Variants in SLC2A9 observed in about 807,000 individuals in gnomAD.
The protein encoded by SLC2A9 is solute carrier family 2 member 9.
A neutral mutation model predicts 50.6 loss-of-function variants in SLC2A9; 39 were observed. The observed-to-expected ratio is 0.77, with a 90% CI of 0.60 to 1.01. SLC2A9 has a LOEUF of 1.01. Ranked by LOEUF, SLC2A9 falls within the 50% of genes least tolerant of loss-of-function variation. The pLI, the probability that SLC2A9 is intolerant of heterozygous loss-of-function variation, is 0.00. For synonymous variants in SLC2A9, 324 were observed against 276.9 expected (o/e 1.17, Z -1.69); for missense variants, 686 against 677.6 (o/e 1.01, Z -0.14).
intron 3 of SLC2A9, chr4:9,783,683 G>A (rs1320884374): frequency 5.3e-6 from 3 of 560,780 alleles, no homozygotes; most frequent in African/African-American, 1.9e-5. Context: ...GCCTACCAGA[G>A]ATGGACCAAC....
intron 3 of SLC2A9, among the ~76,000 whole-genome samples, chr4:9,990,714 CTT>C (rs1488618868): frequency 2.0e-5 from 3 of 152,168 alleles, no homozygotes; most frequent in East Asian, 1.9e-4. Context: ...TGTGTTGACT[CTT>C]TGTTTTACAC....
downstream of SLC2A9, among the ~76,000 whole-genome samples, chr4:9,796,225 A>G (rs1382734409): frequency 6.6e-6 from 1 of 152,194 alleles, no homozygotes; most frequent in African/African-American, 2.4e-5. Context: ...TTTTTTGAGC[A>G]GCCCTCATGA....
intron 3 of SLC2A9, among the ~76,000 whole-genome samples, chr4:9,992,345 T>C (rs1431182352): frequency 2.0e-5 from 3 of 152,262 alleles, no homozygotes; most frequent in African/African-American, 7.2e-5. Context: ...CTTGGCACTA[T>C]TCACATTTGG....
intron 8 of SLC2A9, among the ~76,000 whole-genome samples, chr4:9,907,147 A>AT: frequency 6.6e-6 from 1 of 152,374 alleles, no homozygotes; most frequent in Non-Finnish European, 1.5e-5. Context: ...GTCAGAGAAT[A>AT]TAACTCTCTA....
chr4:9,934,673 C>T (rs142895429), intron 6 of SLC2A9, among the ~76,000 whole-genome samples: 1,597 of 152,280 alleles, frequency 0.01, 20 homozygotes, highest in African/African-American at 0.036. Context: ...CTTTAAGTTC[C>T]AGGATACATG....
At chr4:9,931,980 A>C (rs1359251108) in intron 6 of SLC2A9, among the ~76,000 whole-genome samples, 15 of 70,160 alleles carry the variant, frequency 2.1e-4, no homozygotes, top group South Asian at 4.1e-4. Context: ...ATATATATAT[A>C]TATATATATA....
At chr4:9,792,091 T>C (rs1719991437) in intron 3 of SLC2A9, among the ~76,000 whole-genome samples, 3 of 152,026 alleles carry the variant, frequency 2.0e-5, no homozygotes, top group Admixed American at 6.6e-5. Flanking sequence ...ATCACTACTG[T>C]TTGATTTGAA....
At chr4:9,981,842 C>A (rs192746961) in intron 4 of SLC2A9, among the ~76,000 whole-genome samples, 1 of 152,200 alleles carries the variant, frequency 6.6e-6, no homozygotes. Flanking sequence ...AGCCTTCTAT[C>A]ATCTCAAAAT....
chr4:9,816,110 C>A (rs1204909201), intron 3 of SLC2A9, among the ~76,000 whole-genome samples: 9 of 152,102 alleles, frequency 5.9e-5, no homozygotes, highest in Non-Finnish European at 1.2e-4. Flanking sequence ...GCAGAGGCTG[C>A]AGTGAGCTGA....
chr4:9,829,896 T>G (rs903466531), intron 11 of SLC2A9, among the ~76,000 whole-genome samples: 1 of 152,172 alleles, frequency 6.6e-6, no homozygotes, highest in Non-Finnish European at 1.5e-5. Flanking sequence ...GAAAAAGGAA[T>G]GCTTCTACAT....
At chr4:9,792,849 T>C (rs180810694) in intron 3 of SLC2A9, 1 of 152,506 alleles carries the variant, frequency 6.6e-6, no homozygotes, top group East Asian at 1.9e-4. Context: ...GTTCAGGGTA[T>C]ATGGCTGTAG....
At chr4:9,779,743 TC>T (rs1449294713), downstream of SLC2A9, 38 of 105,422 alleles carry the variant, frequency 3.6e-4, no homozygotes, top group African/African-American at 1.2e-3. Flanking sequence ...ATAGCATCTC[TC>T]TCTCTCTCTC....
chr4:9,974,335 C>T (rs1044593986), intron 5 of SLC2A9, among the ~76,000 whole-genome samples: 3 of 152,084 alleles, frequency 2.0e-5, no homozygotes, highest in African/African-American at 7.2e-5. Context: ...GAAAAGAAGT[C>T]AAACTATCTC....
At chr4:9,865,275 C>G (rs574645638) in intron 10 of SLC2A9, among the ~76,000 whole-genome samples, 1 of 152,228 alleles carries the variant, frequency 6.6e-6, no homozygotes. Flanking sequence ...TCAGACCATG[C>G]GCGGGAGAGC....
At chr4:9,824,280 G>A (rs1724818109), downstream of SLC2A9, among the ~76,000 whole-genome samples, 1 of 150,196 alleles carries the variant, frequency 6.7e-6, no homozygotes, top group Non-Finnish European at 1.5e-5. Context: ...ATGTCCCCCT[G>A]ACATTGAACT....
intron 6 of SLC2A9, among the ~76,000 whole-genome samples, chr4:9,922,148 C>T (rs1299057684): frequency 6.6e-6 from 1 of 152,182 alleles, no homozygotes. Flanking sequence ...TCCAGTCTAT[C>T]ATTGATGGGC....
At chr4:9,818,139 G>A (rs1401437) in intron 3 of SLC2A9, among the ~76,000 whole-genome samples, 142,087 of 152,222 alleles carry the variant, frequency 0.93, 66,605 homozygotes, top group Non-Finnish European at 0.96. Flanking sequence ...TGGATGCTGG[G>A]TCGTGGATGA....
At chr4:10,002,394 A>G (rs1342752667) in intron 2 of SLC2A9, among the ~76,000 whole-genome samples, 8 of 152,218 alleles carry the variant, frequency 5.3e-5, no homozygotes, top group Non-Finnish European at 1.5e-5. Context: ...CCTGAGAGTT[A>G]TATAACCTGC....
intron 3 of SLC2A9, among the ~76,000 whole-genome samples, chr4:9,990,457 G>C (rs1757503020): frequency 6.6e-6 from 1 of 152,130 alleles, no homozygotes. Context: ...ATAATGAAAT[G>C]AGTACAACCC....
Sources: gnomAD v4.1 joint callset for allele counts (sites outside exome capture counted in the v4.1 genomes callset) on GRCh38, gnomAD v4.1.1 for gene constraint, MANE v1.5 for transcripts, NCBI Gene and HGNC (gene_info 2026-07-23, HGNC 2026-07-21) for gene names.